The following RBPJ variants were observed in gnomAD, a reference collection of about 807,000 sequenced individuals.
RBPJ encodes recombination signal binding protein for immunoglobulin kappa J region, also known as recombining binding protein suppressor of hairless.
Under a neutral mutation model 67.8 loss-of-function variants are expected in RBPJ, and 9 were observed. The ratio of observed to expected loss-of-function variants is 0.13; its 90% confidence interval spans 0.08 to 0.23. The LOEUF (loss-of-function observed/expected upper bound fraction) is 0.23. Among genes scored for constraint, RBPJ ranks in the 10% least tolerant of loss-of-function variants. The pLI, the probability that RBPJ is intolerant of heterozygous loss-of-function variation, is 1.00. For synonymous variants in RBPJ, 198 were observed against 203.3 expected, an observed-to-expected ratio of 0.97 and a Z score of 0.22; for missense variants, 305 against 595.6, an observed-to-expected ratio of 0.51 and a Z score of 5.08.
chr4:26,208,536 C>T lies in RBPJ; in HGVS notation c.-167+44922C>T, dbSNP rs558641303. On this transcript the variant is annotated intron_variant, in intron 1 of 4. Coordinates refer to the RBPJ transcript ENST00000512351. ...TAATATATTTCAAGAGTGATAATGA[C>T]ATTAAGTAAGAGGGAGACAAACTGA... is the stretch of plus-strand genomic sequence containing the variant. 1.9e-4 allele frequency among the ~76,000 whole-genome samples: 29 copies of T among 152,290 alleles called. No individual in the cohort carries two copies. In the South Asian group the frequency reaches 5.2e-3, roughly 27 times the overall value.
intron 1 of RBPJ, among the ~76,000 whole-genome samples, chr4:26,301,979 G>A (rs1293475211): frequency 2.0e-5 from 3 of 152,152 alleles, no homozygotes; most frequent in Admixed American, 6.5e-5. Context: ...TTTTAGTAGA[G>A]ATGGGGTTTC....
At chr4:26,301,235 C>T (rs1722064157) in intron 1 of RBPJ, among the ~76,000 whole-genome samples, 1 of 152,082 alleles carries the variant, frequency 6.6e-6, no homozygotes, top group African/African-American at 2.4e-5. Context: ...AAGATCTGAC[C>T]CATCCTCCTG....
At chr4:26,209,171 A>G (rs913133000) in intron 1 of RBPJ, among the ~76,000 whole-genome samples, 1 of 151,936 alleles carries the variant, frequency 6.6e-6, no homozygotes, top group African/African-American at 2.4e-5. Context: ...AGCTACCGGC[A>G]TGATGTCAAC....
At chr4:26,149,222 A>G in the RBPJ span, among the ~76,000 whole-genome samples, 1 of 152,220 alleles carries the variant, frequency 6.6e-6, no homozygotes, top group East Asian at 1.9e-4. Context: ...GGGAGTTAGA[A>G]TCTCAAGTTT....
chr4:26,136,368 G>A, the RBPJ span, among the ~76,000 whole-genome samples: 4 of 152,242 alleles, frequency 2.6e-5, no homozygotes, highest in East Asian at 1.9e-4. Flanking sequence ...GCTGAACCTC[G>A]GGTGCAGTCC....
chr4:26,261,399 C>G (rs1336482556), intron 1 of RBPJ, among the ~76,000 whole-genome samples: 1 of 151,208 alleles, frequency 6.6e-6, no homozygotes, highest in Non-Finnish European at 1.5e-5. Flanking sequence ...ATATGTTATG[C>G]CAACCAAAAA....
At chr4:26,172,962 G>C (rs1244266337) in intron 1 of RBPJ, among the ~76,000 whole-genome samples, 1 of 152,106 alleles carries the variant, frequency 6.6e-6, no homozygotes, top group Non-Finnish European at 1.5e-5. Flanking sequence ...GGATATTAGG[G>C]GCAGTCGTTC....
chr4:26,305,458 G>A (rs1030172471), intron 1 of RBPJ, among the ~76,000 whole-genome samples: 5 of 152,134 alleles, frequency 3.3e-5, no homozygotes, highest in African/African-American at 1.2e-4. Context: ...ATAAACATGG[G>A]ATGTTTTTCC....
At chr4:26,413,457 G>A (rs1393394863) in intron 3 of RBPJ, among the ~76,000 whole-genome samples, 5 of 152,172 alleles carry the variant, frequency 3.3e-5, no homozygotes, top group Admixed American at 2.0e-4. Flanking sequence ...CTATTAGAGT[G>A]TAAGTTCCAT....
intron 2 of RBPJ, among the ~76,000 whole-genome samples, chr4:26,405,001 T>C (rs1338047686): frequency 6.6e-6 from 1 of 152,238 alleles, no homozygotes; most frequent in Admixed American, 6.5e-5. Context: ...TTTGAGTTTC[T>C]TTTCAGTGGT....
chr4:26,220,043 G>T (rs372401022), intron 1 of RBPJ, among the ~76,000 whole-genome samples: 2 of 151,888 alleles, frequency 1.3e-5, no homozygotes, highest in African/African-American at 4.8e-5. Context: ...TTGGCCTCCC[G>T]AAGTGCTGGG....
chr4:26,356,695 A>G (rs1311091644), intron 1 of RBPJ, among the ~76,000 whole-genome samples: 2 of 152,186 alleles, frequency 1.3e-5, no homozygotes, highest in African/African-American at 4.8e-5. Flanking sequence ...TTGTAACAAT[A>G]TATTTAGCCA....
At chr4:26,328,877 C>T (rs148498926) in intron 1 of RBPJ, among the ~76,000 whole-genome samples, 117 of 152,192 alleles carry the variant, frequency 7.7e-4, no homozygotes, top group African/African-American at 2.6e-3. Flanking sequence ...CCAGAGCTCC[C>T]GGGCTCAAGT....
At chr4:26,407,176 G>T (rs778394499) in intron 3 of RBPJ, among the ~76,000 whole-genome samples, 1 of 152,096 alleles carries the variant, frequency 6.6e-6, no homozygotes, top group African/African-American at 2.4e-5. Flanking sequence ...AGTTTTTTAC[G>T]CAAATGTGAC....
At chr4:26,204,046 G>A (rs1718079898) in intron 1 of RBPJ, among the ~76,000 whole-genome samples, 1 of 152,176 alleles carries the variant, frequency 6.6e-6, no homozygotes, top group Non-Finnish European at 1.5e-5. Context: ...CCAGGCTCAA[G>A]CTATCCTCCC....
intron 2 of RBPJ, among the ~76,000 whole-genome samples, chr4:26,390,055 A>C (rs1338848886): frequency 6.6e-6 from 1 of 152,232 alleles, no homozygotes; most frequent in African/African-American, 2.4e-5. Context: ...AAATTTTCAA[A>C]TGGAATCCAA....
At chr4:26,412,350 G>A (rs1251705656) in intron 3 of RBPJ, among the ~76,000 whole-genome samples, 1 of 152,032 alleles carries the variant, frequency 6.6e-6, no homozygotes, top group Non-Finnish European at 1.5e-5. Flanking sequence ...TCATGCCTCA[G>A]CCTCCTGAGT....
chr4:26,187,419 T>C (rs949226793), intron 1 of RBPJ, among the ~76,000 whole-genome samples: 4 of 152,142 alleles, frequency 2.6e-5, no homozygotes, highest in African/African-American at 9.7e-5. Flanking sequence ...TGAGTGAAAC[T>C]TTTTTCCTCT....
the RBPJ span, among the ~76,000 whole-genome samples, chr4:26,153,012 C>T: frequency 2.6e-5 from 4 of 152,112 alleles, no homozygotes; most frequent in Non-Finnish European, 5.9e-5. Flanking sequence ...AGATACCATG[C>T]GGATGGCACC....
Sources: gnomAD v4.1 joint callset for allele counts (sites outside exome capture counted in the v4.1 genomes callset) on GRCh38, gnomAD v4.1.1 for gene constraint, MANE v1.5 for transcripts, NCBI Gene and HGNC (gene_info 2026-07-23, HGNC 2026-07-21) for gene names.